Variants in AIG1 observed in about 807,000 individuals in gnomAD.
AIG1 encodes the protein androgen-induced gene 1 protein.
A neutral mutation model predicts 31.4 loss-of-function variants in AIG1; 23 were observed. The ratio of observed to expected loss-of-function variants is 0.73; its 90% CI spans 0.53 to 1.04. The LOEUF (loss-of-function observed/expected upper bound fraction) is 1.04. Among genes scored for constraint, AIG1 ranks in the 50% least tolerant of loss-of-function variants. AIG1 has a pLI of 0.00. For synonymous variants in AIG1, 100 were observed against 110.5 expected (o/e 0.90, Z 0.60); for missense variants, 274 against 295.0 (o/e 0.93, Z 0.52).
intron 3 of AIG1, among the ~76,000 whole-genome samples, chr6:143,215,639 G>T (rs1379368165): frequency 6.6e-6 from 1 of 152,090 alleles, no homozygotes; most frequent in Non-Finnish European, 1.5e-5. Flanking sequence ...AGATATGGCT[G>T]CTGAGTCCCA....
At chr6:143,209,411 TAAG>T (rs1205702803) in intron 3 of AIG1, among the ~76,000 whole-genome samples, 1 of 152,190 alleles carries the variant, frequency 6.6e-6, no homozygotes, top group Non-Finnish European at 1.5e-5. Flanking sequence ...AACTTTAAGA[TAAG>T]GAGATTATCC....
At chr6:143,226,670 T>C (rs1792986695) in intron 3 of AIG1, among the ~76,000 whole-genome samples, 1 of 152,186 alleles carries the variant, frequency 6.6e-6, no homozygotes, top group Admixed American at 6.5e-5. Context: ...GAAGTGAAAA[T>C]ATAGACAGTT....
intron 3 of AIG1, among the ~76,000 whole-genome samples, chr6:143,283,543 GA>G (rs1417722813): frequency 1.3e-5 from 2 of 152,216 alleles, no homozygotes; most frequent in Non-Finnish European, 2.9e-5. Flanking sequence ...ATGAAAGGTT[GA>G]AAATCTTTTG....
chr6:143,200,583 C>T (rs536699397), intron 3 of AIG1, among the ~76,000 whole-genome samples: 3 of 152,262 alleles, frequency 2.0e-5, no homozygotes, highest in Admixed American at 2.0e-4. Context: ...TCCTTTACCA[C>T]GCCACTGTAA....
At chr6:143,103,729 G>A (rs1161166938) in intron 1 of AIG1, among the ~76,000 whole-genome samples, 3 of 151,662 alleles carry the variant, frequency 2.0e-5, no homozygotes, top group African/African-American at 4.8e-5. Flanking sequence ...GGATGGTCTC[G>A]ATCTCCTGAC....
At chr6:143,307,702 G>A (rs1331278277) in intron 4 of AIG1, among the ~76,000 whole-genome samples, 15 of 152,000 alleles carry the variant, frequency 9.9e-5, no homozygotes, top group East Asian at 3.9e-4. Flanking sequence ...CTCCAGCTGC[G>A]TGCTGGGAGA....
At chr6:143,141,547 A>G (rs1784246589) in intron 2 of AIG1, among the ~76,000 whole-genome samples, 1 of 152,216 alleles carries the variant, frequency 6.6e-6, no homozygotes, top group Admixed American at 6.5e-5. Context: ...TGAACATGGC[A>G]TGTATCATCC....
At chr6:143,123,168 C>T (rs1583248222) in intron 1 of AIG1, among the ~76,000 whole-genome samples, 1 of 152,202 alleles carries the variant, frequency 6.6e-6, no homozygotes, top group East Asian at 1.9e-4. Flanking sequence ...TCCCACTCCA[C>T]TCAGCTGCCT....
At chr6:143,214,234 G>T (rs532809144) in intron 3 of AIG1, among the ~76,000 whole-genome samples, 1 of 152,162 alleles carries the variant, frequency 6.6e-6, no homozygotes, top group Non-Finnish European at 1.5e-5. Flanking sequence ...GTGACCAGTC[G>T]AGTCTGGAAT....
At chr6:143,114,471 A>G (rs541933048) in intron 1 of AIG1, among the ~76,000 whole-genome samples, 3 of 152,274 alleles carry the variant, frequency 2.0e-5, no homozygotes, top group African/African-American at 4.8e-5. Context: ...AATAGATGGG[A>G]AAAAAATGCA....
At chr6:143,318,031 A>T (rs1333491816) in intron 4 of AIG1, among the ~76,000 whole-genome samples, 1 of 152,216 alleles carries the variant, frequency 6.6e-6, no homozygotes, top group African/African-American at 2.4e-5. Context: ...TCCCATGCTC[A>T]TGGATAGGTA....
chr6:143,276,607 G>A (rs966330124), intron 3 of AIG1, among the ~76,000 whole-genome samples: 1 of 152,080 alleles, frequency 6.6e-6, no homozygotes, highest in African/African-American at 2.4e-5. Context: ...CTGGGCGCTG[G>A]GGAGAGGGAG....
chr6:143,190,120 T>A, intron 3 of AIG1: 1 of 941,366 alleles, frequency 1.1e-6, no homozygotes, highest in African/African-American at 1.8e-5. Context: ...CTCCTAATGC[T>A]ATAACCTTAG....
chr6:143,266,261 C>T (rs547912096), intron 3 of AIG1, among the ~76,000 whole-genome samples: 57 of 148,994 alleles, frequency 3.8e-4, no homozygotes, highest in African/African-American at 1.3e-3. Context: ...GTAAGAGAAT[C>T]GCTTGAACCC....
At chr6:143,247,153 G>C (rs1010051600) in intron 3 of AIG1, among the ~76,000 whole-genome samples, 4 of 150,800 alleles carry the variant, frequency 2.7e-5, no homozygotes, top group African/African-American at 9.8e-5. Flanking sequence ...TTTTTTTTTA[G>C]ACAGCATCTC....
At chr6:143,087,077 A>C (rs1284111719) in intron 1 of AIG1, among the ~76,000 whole-genome samples, 1 of 152,196 alleles carries the variant, frequency 6.6e-6, no homozygotes, top group African/African-American at 2.4e-5. Flanking sequence ...AGCCATGCTC[A>C]TTGTTTTTAA....
intron 4 of AIG1, among the ~76,000 whole-genome samples, chr6:143,302,628 T>C (rs189307107): frequency 1.3e-5 from 2 of 152,216 alleles, no homozygotes; most frequent in Non-Finnish European, 2.9e-5. Context: ...CTATCATTGT[T>C]GGACATTTGG....
chr6:143,083,009 C>T (rs1778411365), intron 1 of AIG1, among the ~76,000 whole-genome samples: 1 of 152,214 alleles, frequency 6.6e-6, no homozygotes, highest in East Asian at 1.9e-4. Flanking sequence ...CCATATTTGG[C>T]AGAAGCCTGT....
chr6:143,292,529 C>A lies in AIG1; in HGVS notation c.515+8304C>A, dbSNP rs928998574. Among the ~76,000 whole-genome samples, 1 of 152,124 alleles carries A rather than the reference C, an allele frequency of 6.6e-6. No homozygotes were observed. Among genetic ancestry groups the A allele is most frequent in the African/African-American group, 2.4e-5 (1 of 41,410 alleles). ...CGAAAAAGGCAAGGAAAGGGATTCT[C>A]CCCTAGGGCTTCCAGAAAGGAACTC... On this transcript the variant is annotated intron_variant, in intron 4 of 5. Transcript: ENST00000357847. This position sits in a 1 kb window ranked among gnomAD's most constrained non-coding sequence, Gnocchi z 4.9.
Sources: gnomAD v4.1 joint callset for allele counts (sites outside exome capture counted in the v4.1 genomes callset) on GRCh38, gnomAD v4.1.1 for gene constraint, Gnocchi (gnomAD v3.1) non-coding constraint, MANE v1.5 for transcripts, NCBI Gene and HGNC (gene_info 2026-07-23, HGNC 2026-07-21) for gene names.